The following NEMP2 variants were observed in gnomAD, a reference collection of about 807,000 sequenced individuals.
The protein encoded by NEMP2 is nuclear envelope integral membrane protein 2, also known as UPF0571 transmembrane protein.
NEMP2 carries 53 observed loss-of-function variants against 54.2 expected under a neutral mutation model. The observed-to-expected ratio is 0.98, with a 90% confidence interval of 0.78 to 1.23. The LOEUF (loss-of-function observed/expected upper bound fraction) is 1.23, where lower values mean the gene tolerates loss of function less well. Among genes scored for constraint, NEMP2 ranks in the 50% most tolerant of loss-of-function variants. The probability of loss-of-function intolerance (pLI) is 0.00; values close to 1 mark genes in which losing one functional copy is unlikely to be tolerated. For synonymous variants in NEMP2, 197 were observed against 190.3 expected (o/e 1.04, Z -0.29); for missense variants, 455 against 511.3 (o/e 0.89, Z 1.06).
At chr2:190,552,460 AG>A in the NEMP2 span, among the ~76,000 whole-genome samples, 758 of 152,316 alleles carry the variant, frequency 5.0e-3, 1 homozygote, top group Admixed American at 8.5e-3. Flanking sequence ...TGGCTGGTCA[AG>A]GTGGCTCCTG....
chr2:190,534,580 C>T lies in NEMP2; in HGVS notation c.76G>A (p.Ala26Thr). The T allele has an allele frequency of 1.4e-6, 2 of 1,399,742 alleles. No individual in the cohort carries two copies. Among genetic ancestry groups the T allele is most frequent in the African/African-American group, 1.5e-5 (1 of 66,304 alleles). The allele number at this position is 1,399,742 out of a possible 1,614,324, so 86.7% of individuals were successfully genotyped here. A position where few individuals can be genotyped will look rare whatever the true frequency, so the allele number is the denominator to read the frequency against. ...PLATLPVRGE[A>T]AAAALSVRRC... ...TTACCTGATAACGCTGCCGCCGCCG[C>T]CTCCCCGCGCACGGGCAGTGTGGCC... Residue 26 changes from alanine to threonine, a missense_variant, in exon 1 of 9, where the codon GCG becomes ACG. Ala to Thr is a moderately conservative substitution (Grantham distance 58, BLOSUM62 0). Transcript: ENST00000409150.
At chr2:190,546,249 T>C in the NEMP2 span, among the ~76,000 whole-genome samples, 20 of 152,216 alleles carry the variant, frequency 1.3e-4, no homozygotes, top group African/African-American at 4.1e-4. The surrounding 1 kb of genome is among the most constrained non-coding windows in gnomAD (Gnocchi z 5.1). Flanking sequence ...GATGGCTGCA[T>C]CTATACTGAA....
chr2:190,421,494 G>GGTTT, the NEMP2 span, among the ~76,000 whole-genome samples: 151,446 of 152,288 alleles, frequency 0.99, 75,311 homozygotes, highest in Middle Eastern at 1. Flanking sequence ...ATGTTTACAA[G>GGTTT]GTTACAAACC....
At chr2:190,472,867 A>G in the NEMP2 span, among the ~76,000 whole-genome samples, 1 of 152,256 alleles carries the variant, frequency 6.6e-6, no homozygotes, top group Admixed American at 6.5e-5. Context: ...AGGGAAGCCC[A>G]TCAGATTAAC....
chr2:190,524,050 A>G (rs927169929), intron 2 of NEMP2, among the ~76,000 whole-genome samples: 1 of 136,976 alleles, frequency 7.3e-6, no homozygotes, highest in East Asian at 2.1e-4. Context: ...TAAAAATACT[A>G]AAAAAAAAAA....
chr2:190,436,603 T>A, the NEMP2 span: 18 of 1,614,010 alleles, frequency 1.1e-5, no homozygotes, highest in South Asian at 1.2e-4. This position sits in a 1 kb window ranked among gnomAD's most constrained non-coding sequence, Gnocchi z 5.3. Flanking sequence ...CCTCACCATA[T>A]CACCAAAAAT....
At chr2:190,604,844 A>G in the NEMP2 span, among the ~76,000 whole-genome samples, 2 of 152,168 alleles carry the variant, frequency 1.3e-5, no homozygotes, top group African/African-American at 4.8e-5. This position sits in a 1 kb window ranked among gnomAD's most constrained non-coding sequence, Gnocchi z 4.5. Context: ...TTCTGCCTCC[A>G]CAAAAATGTC....
the NEMP2 span, among the ~76,000 whole-genome samples, chr2:190,544,069 A>G: frequency 1.3e-5 from 2 of 152,232 alleles, no homozygotes; most frequent in Non-Finnish European, 2.9e-5. Flanking sequence ...TGTTACTGCA[A>G]TAATACCAGC....
chr2:190,461,180 G>A, the NEMP2 span, among the ~76,000 whole-genome samples: 1 of 152,214 alleles, frequency 6.6e-6, no homozygotes. This position sits in a 1 kb window ranked among gnomAD's most constrained non-coding sequence, Gnocchi z 5.5. Context: ...CCCAGACAGT[G>A]ATCCCTTCAG....
the NEMP2 span, among the ~76,000 whole-genome samples, chr2:190,460,846 G>A: frequency 6.6e-6 from 1 of 152,138 alleles, no homozygotes; most frequent in Non-Finnish European, 1.5e-5. Context: ...TGCCAGACAA[G>A]GTGACAAGGA....
chr2:190,629,694 T>C, the NEMP2 span: 2 of 152,192 alleles, frequency 1.3e-5, no homozygotes, highest in Non-Finnish European at 2.9e-5. Flanking sequence ...AAAGGACCAA[T>C]GATTAACAGC....
the NEMP2 span, among the ~76,000 whole-genome samples, chr2:190,483,896 A>G: frequency 1.3e-5 from 2 of 151,926 alleles, no homozygotes; most frequent in Admixed American, 1.3e-4. Context: ...ATTATTTTTA[A>G]TGATTCTAGG....
the NEMP2 span, among the ~76,000 whole-genome samples, chr2:190,598,937 T>C: frequency 4.6e-5 from 7 of 152,186 alleles, no homozygotes; most frequent in African/African-American, 1.7e-4. Flanking sequence ...CTCCAAATAA[T>C]AGAAAAACAC....
the NEMP2 span, among the ~76,000 whole-genome samples, chr2:190,462,310 C>T: frequency 6.6e-6 from 1 of 152,228 alleles, no homozygotes; most frequent in East Asian, 1.9e-4. The surrounding 1 kb of genome is among the most constrained non-coding windows in gnomAD (Gnocchi z 5.7). Context: ...GTGTTTCAGA[C>T]ACTGGCATTT....
intron 5 of NEMP2, 75 bp downstream of exon 5, chr2:190,517,445 T>G: frequency 9.6e-7 from 1 of 1,039,834 alleles, no homozygotes; most frequent in South Asian, 1.5e-5. Context: ...ATAATGTGAA[T>G]TAATTTTGAT....
the NEMP2 span, among the ~76,000 whole-genome samples, chr2:190,456,050 C>T: frequency 5.7e-5 from 8 of 141,456 alleles, no homozygotes; most frequent in Admixed American, 4.7e-4. This position sits in a 1 kb window ranked among gnomAD's most constrained non-coding sequence, Gnocchi z 5.4. Context: ...AAGCAGTTCT[C>T]CTGTGTCAGC....
chr2:190,578,114 C>CCCCAAGTTACA, the NEMP2 span, among the ~76,000 whole-genome samples: 15 of 152,132 alleles, frequency 9.9e-5, no homozygotes, highest in African/African-American at 3.6e-4. This position sits in a 1 kb window ranked among gnomAD's most constrained non-coding sequence, Gnocchi z 4.4. Flanking sequence ...GTCTCCTGGG[C>CCCCAAGTTACA]TTGTGTAACT....
upstream of NEMP2, among the ~76,000 whole-genome samples, chr2:190,538,017 C>T (rs546255506): frequency 1.6e-4 from 24 of 152,154 alleles, no homozygotes; most frequent in Non-Finnish European, 3.4e-4. The surrounding 1 kb of genome is among the most constrained non-coding windows in gnomAD (Gnocchi z 4.1). Flanking sequence ...GGCAACAACA[C>T]ATCAACAGTA....
At chr2:190,486,498 T>C in the NEMP2 span, among the ~76,000 whole-genome samples, 2 of 152,250 alleles carry the variant, frequency 1.3e-5, no homozygotes, top group African/African-American at 4.8e-5. Flanking sequence ...TTCTCTTTTT[T>C]TGCCCTGCAG....
Sources: allele counts gnomAD v4.1 joint callset (sites outside exome capture counted in the v4.1 genomes callset), GRCh38; gene constraint gnomAD v4.1.1; non-coding constraint Gnocchi (gnomAD v3.1); transcripts MANE v1.5; gene names NCBI Gene and HGNC (gene_info 2026-07-23, HGNC 2026-07-21).